Variants in TCERG1L observed in about 807,000 individuals in gnomAD.
TCERG1L encodes the protein transcription elongation regulator 1 like.
In TCERG1L, 37 loss-of-function variants were observed where a neutral mutation model predicts 56.3. The observed-to-expected ratio is 0.66, with a 90% CI of 0.51 to 0.87. The LOEUF (loss-of-function observed/expected upper bound fraction) is 0.87. Ranked by LOEUF, TCERG1L falls within the 40% of genes least tolerant of loss-of-function variation. The pLI is 0.00. For synonymous variants in TCERG1L, 324 were observed against 326.3 expected, an observed-to-expected ratio of 0.99 and a Z score of 0.08; for missense variants, 799 against 774.2, an observed-to-expected ratio of 1.03 and a Z score of -0.38.
intron 7 of TCERG1L, among the ~76,000 whole-genome samples, chr10:131,144,105 C>T (rs1013672747): frequency 2.0e-5 from 3 of 152,102 alleles, no homozygotes; most frequent in Non-Finnish European, 4.4e-5. Context: ...CACACGCTCC[C>T]GAGACCTAAG....
intron 8 of TCERG1L, among the ~76,000 whole-genome samples, chr10:131,123,358 C>T (rs1281784757): frequency 6.6e-6 from 1 of 152,108 alleles, no homozygotes; most frequent in Admixed American, 6.5e-5. Context: ...GAGACCATCA[C>T]AAGGCAGGCA....
At chr10:131,244,297 T>C (rs999107017) in intron 4 of TCERG1L, among the ~76,000 whole-genome samples, 2 of 151,970 alleles carry the variant, frequency 1.3e-5, no homozygotes, top group African/African-American at 4.8e-5. Flanking sequence ...GCATGAGAAA[T>C]GCCAGGAGCA....
chr10:131,245,927 G>A (rs1036978465), intron 4 of TCERG1L, among the ~76,000 whole-genome samples: 2 of 152,160 alleles, frequency 1.3e-5, no homozygotes, highest in East Asian at 1.9e-4. Context: ...TCCCAGAGCA[G>A]GCAGCGCCAG....
At chr10:131,184,469 C>A (rs531642794) in intron 4 of TCERG1L, among the ~76,000 whole-genome samples, 1 of 152,126 alleles carries the variant, frequency 6.6e-6, no homozygotes, top group Admixed American at 6.6e-5. Flanking sequence ...AAAAGAGAAA[C>A]AAATCAGCAA....
chr10:131,180,573 G>C (rs1296385235), intron 4 of TCERG1L, among the ~76,000 whole-genome samples: 4 of 152,158 alleles, frequency 2.6e-5, no homozygotes, highest in Non-Finnish European at 5.9e-5. Flanking sequence ...CGATTGTGTA[G>C]AAGAAAGAGA....
Position 131,260,564 on chromosome 10 carries a change from T to C in TCERG1L, c.671-120A>G, listed in dbSNP as rs528909925. The C allele has an allele frequency of 2.6e-4, 316 of 1,214,948 alleles. 1 individual carries two copies. The East Asian group carries it at 1.0e-2, about 38-fold the overall frequency. 75.3% of individuals were successfully genotyped at this position (1,214,948 alleles called of 1,614,324 possible). A position where few individuals can be genotyped will look rare whatever the true frequency, so the allele number is the denominator to read the frequency against. ...AAACAGGTGAGGGGGGCGCTACCCC[T>C]CTTTAATGGAGGCCCACAGTATGTG... On this transcript the variant is annotated intron_variant, in intron 3 of 11. Coordinates refer to ENST00000368642, the MANE Select transcript of TCERG1L (RefSeq NM_174937.4). This position sits in a 1 kb window ranked among gnomAD's most constrained non-coding sequence, Gnocchi z 5.8.
At chr10:131,301,217 G>A (rs957009621) in intron 3 of TCERG1L, among the ~76,000 whole-genome samples, 10 of 151,938 alleles carry the variant, frequency 6.6e-5, no homozygotes, top group African/African-American at 2.4e-4. Flanking sequence ...CTTCAAGACT[G>A]GGGGTTTCTT....
chr10:131,245,729 T>A (rs576121177), intron 4 of TCERG1L, among the ~76,000 whole-genome samples: 1 of 152,220 alleles, frequency 6.6e-6, no homozygotes, highest in South Asian at 2.1e-4. Context: ...TAGTGTATCA[T>A]CCTCATAAAG....
At chr10:131,280,941 C>T (rs185277147) in intron 3 of TCERG1L, among the ~76,000 whole-genome samples, 3 of 152,284 alleles carry the variant, frequency 2.0e-5, no homozygotes, top group Non-Finnish European at 4.4e-5. Flanking sequence ...CCTGATCAAG[C>T]CTGTGGCCGC....
chr10:131,305,235 T>C (rs1846808100), intron 3 of TCERG1L, among the ~76,000 whole-genome samples: 1 of 152,050 alleles, frequency 6.6e-6, no homozygotes, highest in African/African-American at 2.4e-5. Context: ...GGCTCAAAAA[T>C]GGCCAACAGG....
chr10:131,256,735 T>C (rs767943078), intron 4 of TCERG1L, among the ~76,000 whole-genome samples: 2 of 151,272 alleles, frequency 1.3e-5, no homozygotes, highest in Non-Finnish European at 2.9e-5. Flanking sequence ...AATACAAAAA[T>C]TACCTGGGCA....
Position 131,133,879 on chromosome 10 carries a change from A to AT in TCERG1L, c.1259+499dup, listed in dbSNP as rs1282588357. 3.9e-5 allele frequency among the ~76,000 whole-genome samples: 6 copies of AT among 152,168 alleles called. No homozygotes were observed. The East Asian group carries it at 1.2e-3, about 29-fold the overall frequency. Reference sequence around the variant, plus strand: ...TGCACCCTGCAGGAATGCAGGCATCATCTCCTCCACCTGTCCCAACACCCA... The same window carrying AT: ...TGCACCCTGCAGGAATGCAGGCATCATTCTCCTCCACCTGTCCCAACACCCA... On this transcript the variant is annotated intron_variant, in intron 8 of 11. Coordinates refer to ENST00000368642, the MANE Select transcript of TCERG1L (RefSeq NM_174937.4).
At chr10:131,211,164 C>G (rs936633548) in intron 4 of TCERG1L, among the ~76,000 whole-genome samples, 7 of 152,184 alleles carry the variant, frequency 4.6e-5, no homozygotes, top group Non-Finnish European at 8.8e-5. Context: ...CGGTCAGGGC[C>G]GTATGGCTCG....
At chr10:131,244,994 G>A (rs1046955113) in intron 4 of TCERG1L, among the ~76,000 whole-genome samples, 2 of 152,208 alleles carry the variant, frequency 1.3e-5, no homozygotes, top group Non-Finnish European at 2.9e-5. Context: ...AGGGGGACTG[G>A]GTGGGAGTGT....
chr10:131,102,652 C>T (rs540980469), intron 10 of TCERG1L, among the ~76,000 whole-genome samples: 1 of 152,306 alleles, frequency 6.6e-6, no homozygotes, highest in Non-Finnish European at 1.5e-5. Flanking sequence ...TTTTCAGCGG[C>T]TCTTCTTGAT....
intron 4 of TCERG1L, among the ~76,000 whole-genome samples, chr10:131,243,615 C>G (rs1286994443): frequency 2.0e-5 from 3 of 152,186 alleles, no homozygotes; most frequent in Non-Finnish European, 4.4e-5. Flanking sequence ...TGCGGCTGTC[C>G]TCTCTGTCGT....
chr10:131,285,104 G>A (rs1010482945), intron 3 of TCERG1L, among the ~76,000 whole-genome samples: 2 of 152,136 alleles, frequency 1.3e-5, no homozygotes, highest in South Asian at 2.1e-4. Context: ...GCAGCCAGTC[G>A]CAGTGGCTCA....
chr10:131,269,875 C>G (rs746181144), intron 3 of TCERG1L, among the ~76,000 whole-genome samples: 4 of 152,162 alleles, frequency 2.6e-5, no homozygotes, highest in Non-Finnish European at 4.4e-5. Flanking sequence ...AAGGGACGCA[C>G]AATAAAGAGA....
chr10:131,169,687 A>ACACT (rs1379461924), intron 4 of TCERG1L, among the ~76,000 whole-genome samples: 1 of 152,218 alleles, frequency 6.6e-6, no homozygotes, highest in African/African-American at 2.4e-5. Flanking sequence ...TATATGCCAC[A>ACACT]CACTCTATGT....
Sources: allele counts gnomAD v4.1 joint callset (sites outside exome capture counted in the v4.1 genomes callset), GRCh38; gene constraint gnomAD v4.1.1; non-coding constraint Gnocchi (gnomAD v3.1); transcripts MANE v1.5; gene names NCBI Gene and HGNC (gene_info 2026-07-23, HGNC 2026-07-21).